The following DDX19A variants were observed in gnomAD, a reference collection of about 807,000 sequenced individuals.
The protein encoded by DDX19A is ATP-dependent RNA helicase DDX19A.
DDX19A carries 12 observed loss-of-function variants against 60.6 expected under a neutral mutation model. That is an observed-to-expected ratio of 0.20 (90% CI 0.13 to 0.32). The LOEUF (loss-of-function observed/expected upper bound fraction) is 0.32. Among genes scored for constraint, DDX19A ranks in the 10% least tolerant of loss-of-function variants. The probability of loss-of-function intolerance (pLI) is 1.00; values close to 1 mark genes in which losing one functional copy is unlikely to be tolerated. For synonymous variants in DDX19A, 206 were observed against 218.2 expected (o/e 0.94, Z 0.49); for missense variants, 337 against 600.6 (o/e 0.56, Z 4.59).
intron 10 of DDX19A, chr16:70,370,870 C>T (rs1433760597): frequency 1.0e-4 from 20 of 194,096 alleles, no homozygotes. Context: ...GTGGCATGCG[C>T]CTGTAATCCC....
At chr16:70,357,360 TGG>T (rs1964233180) in intron 4 of DDX19A, among the ~76,000 whole-genome samples, 2 of 131,680 alleles carry the variant, frequency 1.5e-5, no homozygotes, top group African/African-American at 5.6e-5. Context: ...AATCTGTTTT[TGG>T]TTTGTTTTTT....
At chr16:70,365,309 TTAAAA>T (rs1195185882) in intron 7 of DDX19A, 178 bp downstream of exon 7, 1 of 438,220 alleles carries the variant, frequency 2.3e-6, no homozygotes, top group African/African-American at 2.0e-5. Flanking sequence ...TTTTTCAGTC[TTAAAA>T]TAAGATTTTC....
chr16:70,364,985 C>CCTAA (rs769632901), intron 6 of DDX19A, 32 bp from the exon 7 acceptor site: 125 of 1,585,860 alleles, frequency 7.9e-5, no homozygotes, highest in Admixed American at 1.5e-4. Context: ...AAATGGCTCT[C>CCTAA]CTAAACTCAT....
At chr16:70,368,256 C>T (rs910113664) in intron 9 of DDX19A, among the ~76,000 whole-genome samples, 1 of 152,098 alleles carries the variant, frequency 6.6e-6, no homozygotes, top group Non-Finnish European at 1.5e-5. Flanking sequence ...CTCCTATCTC[C>T]ACTTGTGCCA....
intron 9 of DDX19A, 105 bp from the exon 10 acceptor site, chr16:70,370,118 G>A: frequency 2.1e-6 from 3 of 1,441,546 alleles, no homozygotes; most frequent in Non-Finnish European, 2.8e-6. Context: ...AATGACTTGA[G>A]CCCAGGACTT....
intron 8 of DDX19A, 117 bp downstream of exon 8, chr16:70,366,379 C>T (rs1964520072): frequency 1.4e-6 from 2 of 1,464,402 alleles, no homozygotes; most frequent in South Asian, 2.5e-5. Context: ...CTCTCAGCAG[C>T]ATTTGTTTGA....
chr16:70,349,546 C>T (rs1292317622), intron 1 of DDX19A, among the ~76,000 whole-genome samples: 2 of 152,168 alleles, frequency 1.3e-5, no homozygotes, highest in African/African-American at 4.8e-5. Context: ...AGCGGTCAGG[C>T]CTGCTGTGTT....
rs2047291005 is a variant in DDX19A at position 70,372,470 on chromosome 16, G to A, written c.*484G>A. On this transcript the variant is annotated 3_prime_UTR_variant, in exon 12 of 12. Coordinates refer to ENST00000302243, the MANE Select transcript of DDX19A (RefSeq NM_018332.5). ...TCTCTTCAATGGACCCTTCACAAGT[G>A]TTTCTCCTGCCCTTGGGGCTGTCTT... is the stretch of plus-strand genomic sequence containing the variant. 1 of 172,582 alleles carries A rather than the reference G, an allele frequency of 5.8e-6. No homozygotes were observed. The highest frequency in any genetic ancestry group is 2.4e-5 in the African/African-American group (1 of 41,734). The allele number at this position is 172,582 out of a possible 1,614,324, so 10.7% of individuals were successfully genotyped here.
chr16:70,347,133 G>T, intron 1 of DDX19A, 85 bp downstream of exon 1: 1 of 1,378,654 alleles, frequency 7.3e-7, no homozygotes, highest in Non-Finnish European at 1.0e-6. Flanking sequence ...CCCGGGTTGG[G>T]GAGGCCCCTG....
chr16:70,363,161 T>G (rs919038336), intron 5 of DDX19A: 11 of 151,908 alleles, frequency 7.2e-5, no homozygotes, highest in African/African-American at 2.7e-4. Context: ...ATATTTATCA[T>G]TTTTTCTTTT....
intron 7 of DDX19A, 78 bp downstream of exon 7, chr16:70,365,209 TATTCAACTTTCTA>T: frequency 1.1e-6 from 1 of 938,812 alleles, no homozygotes. Flanking sequence ...GCGATGACCG[TATTCAACTTTCTA>T]ATTCAGTCTG....
chr16:70,352,670 C>T (rs1434598374), intron 2 of DDX19A, among the ~76,000 whole-genome samples: 1 of 123,544 alleles, frequency 8.1e-6, no homozygotes, highest in Non-Finnish European at 1.6e-5. Flanking sequence ...TGAAGTTTCA[C>T]TCGTTGCCCA....
chr16:70,352,196 G>A (rs1460610998), intron 2 of DDX19A, among the ~76,000 whole-genome samples: 1 of 151,860 alleles, frequency 6.6e-6, no homozygotes, highest in African/African-American at 2.4e-5. Flanking sequence ...CCAAAACGTG[G>A]CGTGATATAT....
At chr16:70,365,220 C>T (rs1258610597) in intron 7 of DDX19A, 89 bp downstream of exon 7, 2 of 823,504 alleles carry the variant, frequency 2.4e-6, no homozygotes, top group Non-Finnish European at 4.1e-6. Context: ...ATTCAACTTT[C>T]TAATTCAGTC....
chr16:70,370,417 C>T (rs770268660), intron 10 of DDX19A, 32 bp downstream of exon 10: 6 of 1,597,988 alleles, frequency 3.8e-6, no homozygotes, highest in African/African-American at 2.7e-5. Context: ...CCTGGTCTGC[C>T]AGGCTCGGGG....
chr16:70,354,767 A>G (rs980146448), intron 2 of DDX19A, among the ~76,000 whole-genome samples: 4 of 151,990 alleles, frequency 2.6e-5, no homozygotes, highest in Non-Finnish European at 5.9e-5. Flanking sequence ...ACATGGCAAG[A>G]CTCCATCTCT....
At chr16:70,350,059 G>A (rs1488148384) in intron 1 of DDX19A, among the ~76,000 whole-genome samples, 1 of 152,170 alleles carries the variant, frequency 6.6e-6, no homozygotes, top group East Asian at 1.9e-4. Context: ...GCTTTGGGAG[G>A]CCAAGGTGGG....
chr16:70,356,812 A>G (rs1415828335), intron 4 of DDX19A: 3 of 1,097,506 alleles, frequency 2.7e-6, no homozygotes, highest in Middle Eastern at 2.6e-4. Context: ...TTGATTTATC[A>G]TAGCTAAAAG....
At chr16:70,364,254 T>C (rs1434795492) in intron 5 of DDX19A, 1 of 329,664 alleles carries the variant, frequency 3.0e-6, no homozygotes, top group African/African-American at 2.1e-5. Context: ...CACACTTGAT[T>C]TCCCTGTGCC....
Sources: gnomAD v4.1 joint callset for allele counts (sites outside exome capture counted in the v4.1 genomes callset) on GRCh38, gnomAD v4.1.1 for gene constraint, MANE v1.5 for transcripts, NCBI Gene and HGNC (gene_info 2026-07-23, HGNC 2026-07-21) for gene names.